CDC27: variants seen among roughly 807,000 people sequenced by gnomAD.
The protein encoded by CDC27 is cell division cycle protein 27 homolog.
In CDC27, 27 loss-of-function variants were observed where a neutral mutation model predicts 109.7. The ratio of observed to expected loss-of-function variants is 0.25; its 90% confidence interval spans 0.18 to 0.34. The LOEUF (loss-of-function observed/expected upper bound fraction) is 0.34, where lower values mean the gene tolerates loss of function less well. CDC27 is among the 10% of genes least tolerant of loss of function. The pLI is 1.00. For missense variants in CDC27, 579 were observed against 960.2 expected (o/e 0.60, Z 5.25); for synonymous variants, 266 against 333.9 (o/e 0.80, Z 2.22).
intron 9 of CDC27, among the ~76,000 whole-genome samples, chr17:47,144,870 A>ATC (rs1555788683): frequency 9.4e-6 from 1 of 106,884 alleles, no homozygotes; most frequent in Non-Finnish European, 2.3e-5. Flanking sequence ...GTGTGTGTAT[A>ATC]TCACACACAC....
chr17:47,172,926 G>A (rs1472065307), intron 2 of CDC27, among the ~76,000 whole-genome samples: 1 of 152,168 alleles, frequency 6.6e-6, no homozygotes, highest in African/African-American at 2.4e-5. Context: ...CTAAGCCAGT[G>A]GTTCTCAAAG....
intron 4 of CDC27, 153 bp downstream of exon 4, chr17:47,169,764 G>T: frequency 2.2e-6 from 1 of 461,442 alleles, no homozygotes; most frequent in Non-Finnish European, 3.6e-6. Flanking sequence ...ACTTAGATTA[G>T]CATCTCTGCT....
intron 2 of CDC27, among the ~76,000 whole-genome samples, chr17:47,172,511 A>G (rs1488699859): frequency 6.6e-6 from 1 of 152,216 alleles, no homozygotes; most frequent in Admixed American, 6.5e-5. Context: ...TATATTTTAA[A>G]AAGACCAGAT....
At chr17:47,125,380 G>A (rs2062106860) in intron 16 of CDC27, among the ~76,000 whole-genome samples, 1 of 150,338 alleles carries the variant, frequency 6.7e-6, no homozygotes, top group Admixed American at 6.7e-5. Context: ...CTGAGCAGCT[G>A]GAATTACAGG....
At chr17:47,159,965 C>T in intron 4 of CDC27, 1 of 297,604 alleles carries the variant, frequency 3.4e-6, no homozygotes, top group Non-Finnish European at 6.3e-6. Context: ...ACGGCTGCGA[C>T]CCCAGCCCTG....
rs2061924036 is a variant in CDC27, at chr17:47,118,623, C to T, written c.*2312G>A. The T allele has an allele frequency of 6.6e-6, 1 of 152,556 alleles. No homozygotes were observed. The highest frequency in any genetic ancestry group is 2.1e-4 in the South Asian group (1 of 4,826). The allele number at this position is 152,556 out of a possible 1,614,324, so 9.5% of individuals were successfully genotyped here. A position where few individuals can be genotyped will look rare whatever the true frequency, so the allele number is the denominator to read the frequency against. ...AAACAGAGAAAAGGATGTCAAACTA[C>T]TTAATTTAATTTCTGTAAAATAAAC... On this transcript the variant is annotated 3_prime_UTR_variant, in exon 19 of 19. Coordinates refer to ENST00000066544, the MANE Select transcript of CDC27 (RefSeq NM_001256.6).
intron 16 of CDC27, among the ~76,000 whole-genome samples, chr17:47,126,508 C>T (rs931695038): frequency 2.0e-5 from 3 of 151,986 alleles, no homozygotes; most frequent in African/African-American, 7.2e-5. Context: ...CCTAATTAAA[C>T]AATCAAAGAA....
chr17:47,163,064 T>A (rs1295790035), intron 4 of CDC27, among the ~76,000 whole-genome samples: 1 of 152,106 alleles, frequency 6.6e-6, no homozygotes, highest in Non-Finnish European at 1.5e-5. Flanking sequence ...TTTATTAAAA[T>A]TGAGTGATAC....
At chr17:47,184,589 G>A (rs16941635) in intron 1 of CDC27, among the ~76,000 whole-genome samples, 12,025 of 152,230 alleles carry the variant, frequency 0.079, 638 homozygotes, top group South Asian at 0.19. Context: ...TCATATTCAA[G>A]AGTTGTATCC....
At chr17:47,155,158 A>G (rs1211262921) in intron 7 of CDC27, among the ~76,000 whole-genome samples, 1 of 152,196 alleles carries the variant, frequency 6.6e-6, no homozygotes, top group Non-Finnish European at 1.5e-5. Context: ...TTAGATAACT[A>G]TAACTCTCCA....
At chr17:47,156,721 T>G in intron 7 of CDC27, 192 bp downstream of exon 7, 1 of 380,586 alleles carries the variant, frequency 2.6e-6, no homozygotes, top group Non-Finnish European at 4.7e-6. Flanking sequence ...GTGCTGGGAT[T>G]ACAGGCATGA....
intron 14 of CDC27, 135 bp from the exon 15 acceptor site, chr17:47,132,509 G>A (rs1486683564): frequency 1.0e-5 from 4 of 399,012 alleles, no homozygotes; most frequent in African/African-American, 2.1e-5. Flanking sequence ...TAGAGGAGAG[G>A]CAAAAAATAC....
Position 47,184,508 on chromosome 17 carries a change from A to G in CDC27, c.28-2871T>C, listed in dbSNP as rs1311299330. On this transcript the variant is annotated intron_variant, in intron 1 of 18. Coordinates refer to ENST00000066544, the MANE Select transcript of CDC27 (RefSeq NM_001256.6). ...AGTCAAAAAGTCCTAGAGCTTTGAA[A>G]TTTTTTCTGTCCTTTTAAAATTAAA... 2.0e-5 allele frequency among the ~76,000 whole-genome samples: 3 copies of G among 152,148 alleles called. No homozygotes were observed. The East Asian group carries it at 5.8e-4, about 29-fold the overall frequency.
intron 8 of CDC27, among the ~76,000 whole-genome samples, chr17:47,153,901 A>G (rs903021169): frequency 7.2e-5 from 11 of 152,144 alleles, no homozygotes; most frequent in African/African-American, 2.6e-4. Context: ...CTGGCAACAC[A>G]GTGAGATCCT....
intron 2 of CDC27, among the ~76,000 whole-genome samples, chr17:47,179,147 G>A (rs1252051437): frequency 1.3e-5 from 2 of 152,106 alleles, no homozygotes; most frequent in South Asian, 2.1e-4. Flanking sequence ...AAAGACAAAT[G>A]GGCGACAAAG....
At chr17:47,129,620 G>T in intron 15 of CDC27, 99 bp from the exon 16 acceptor site, 1 of 778,506 alleles carries the variant, frequency 1.3e-6, no homozygotes, top group Non-Finnish European at 2.1e-6. Flanking sequence ...AATTATTAGA[G>T]ATAAGGTTGT....
intron 4 of CDC27, among the ~76,000 whole-genome samples, chr17:47,163,559 G>A (rs1423757924): frequency 6.6e-6 from 1 of 151,856 alleles, no homozygotes; most frequent in Non-Finnish European, 1.5e-5. Flanking sequence ...AAATATAAAA[G>A]AACCCATCCA....
chr17:47,189,092 C>A, intron 1 of CDC27, 54 bp downstream of exon 1: 1 of 1,594,096 alleles, frequency 6.3e-7, no homozygotes, highest in Non-Finnish European at 8.6e-7. Context: ...CCCTACGCTG[C>A]TGCTTCCCGA....
intron 2 of CDC27, among the ~76,000 whole-genome samples, chr17:47,181,089 C>CA (rs542120720): frequency 0.1 from 13,531 of 129,776 alleles, 711 homozygotes; most frequent in East Asian, 0.2. Context: ...CTATCTCTAC[C>CA]AAAAAAAAAA....
Sources: allele counts gnomAD v4.1 joint callset (sites outside exome capture counted in the v4.1 genomes callset), GRCh38; gene constraint gnomAD v4.1.1; transcripts MANE v1.5; gene names NCBI Gene and HGNC (gene_info 2026-07-23, HGNC 2026-07-21).